SGIP1: variants seen among roughly 807,000 people sequenced by gnomAD.
SGIP1 encodes SH3GL interacting endocytic adaptor 1.
SGIP1 carries 38 observed loss-of-function variants against 107.5 expected under a neutral mutation model. That is an observed-to-expected ratio of 0.35 (90% CI 0.27 to 0.46). The LOEUF is 0.46. Ranked by LOEUF, SGIP1 falls within the 20% of genes least tolerant of loss-of-function variation. The probability of loss-of-function intolerance (pLI) is 1.00; values close to 1 mark genes in which losing one functional copy is unlikely to be tolerated. For missense variants in SGIP1, 929 were observed against 1,019.5 expected, an observed-to-expected ratio of 0.91 and a Z score of 1.21; for synonymous variants, 365 against 366.1, an observed-to-expected ratio of 1.00 and a Z score of 0.03.
At chr1:66,742,621 C>A (rs533777334) in intron 24 of SGIP1, among the ~76,000 whole-genome samples, 4 of 150,378 alleles carry the variant, frequency 2.7e-5, no homozygotes, top group African/African-American at 4.9e-5. Context: ...AGGCGCCCAC[C>A]ACCACGCCCG....
chr1:66,648,842 C>T (rs1489762316), intron 7 of SGIP1, among the ~76,000 whole-genome samples: 1 of 152,168 alleles, frequency 6.6e-6, no homozygotes, highest in African/African-American at 2.4e-5. Context: ...CAGCCCAGGT[C>T]GACCACTTTC....
At chr1:66,621,815 T>G (rs866970584) in intron 1 of SGIP1, among the ~76,000 whole-genome samples, 2 of 152,206 alleles carry the variant, frequency 1.3e-5, no homozygotes, top group South Asian at 4.1e-4. Context: ...TTCCATTGCA[T>G]GGCTAGGCCA....
intron 1 of SGIP1, among the ~76,000 whole-genome samples, chr1:66,549,149 T>G (rs375701302): frequency 0.098 from 9,406 of 95,506 alleles, 359 homozygotes; most frequent in South Asian, 0.21. Flanking sequence ...CTTCCTTCCT[T>G]CCTTCCTTCC....
At chr1:66,631,653 CT>C (rs2074710663) in intron 2 of SGIP1, among the ~76,000 whole-genome samples, 1 of 149,222 alleles carries the variant, frequency 6.7e-6, no homozygotes, top group Non-Finnish European at 1.5e-5. Flanking sequence ...CTCTGCATTG[CT>C]CTCTCTCTCT....
At chr1:66,656,262 G>C (rs540082739) in intron 7 of SGIP1, among the ~76,000 whole-genome samples, 1 of 152,284 alleles carries the variant, frequency 6.6e-6, no homozygotes, top group African/African-American at 2.4e-5. Context: ...AACACACATG[G>C]AGCTGTCACC....
At chr1:66,654,076 G>GA (rs2079240459) in intron 7 of SGIP1, among the ~76,000 whole-genome samples, 2 of 152,230 alleles carry the variant, frequency 1.3e-5, no homozygotes, top group Admixed American at 1.3e-4. Context: ...TAGGTACTTA[G>GA]AAAATAATTG....
chr1:66,742,728 C>T (rs556484668), intron 24 of SGIP1, among the ~76,000 whole-genome samples: 2 of 151,752 alleles, frequency 1.3e-5, no homozygotes, highest in South Asian at 4.2e-4. Context: ...CTCGGCCTCC[C>T]AAAGTGCTGG....
chr1:66,636,141 T>C (rs1257360616), intron 4 of SGIP1, 126 bp downstream of exon 4: 3 of 862,538 alleles, frequency 3.5e-6, no homozygotes, highest in Non-Finnish European at 5.3e-6. Flanking sequence ...TCTTAGGTAT[T>C]TCCAAATGAC....
chr1:66,596,920 C>G (rs1305993150), intron 1 of SGIP1, among the ~76,000 whole-genome samples: 2 of 152,040 alleles, frequency 1.3e-5, no homozygotes. Context: ...GACTGCTGCT[C>G]AAATATTTTC....
chr1:66,634,889 C>T (rs890598888), intron 3 of SGIP1, among the ~76,000 whole-genome samples: 4 of 152,190 alleles, frequency 2.6e-5, no homozygotes, highest in African/African-American at 9.6e-5. Context: ...AACTGAGTTT[C>T]TGTCTGCATT....
At chr1:66,677,145 TG>T in intron 13 of SGIP1, 49 bp downstream of exon 13, 1 of 1,447,244 alleles carries the variant, frequency 6.9e-7, no homozygotes, top group Non-Finnish European at 9.7e-7. Flanking sequence ...CTCATTTTAG[TG>T]TCTGTCTGCA....
intron 1 of SGIP1, among the ~76,000 whole-genome samples, chr1:66,614,464 T>C (rs1458571129): frequency 6.6e-6 from 1 of 152,212 alleles, no homozygotes; most frequent in Non-Finnish European, 1.5e-5. Flanking sequence ...ACAGGATCAC[T>C]CTACATGCAT....
At chr1:66,665,634 T>A (rs2082376671) in intron 8 of SGIP1, among the ~76,000 whole-genome samples, 1 of 152,240 alleles carries the variant, frequency 6.6e-6, no homozygotes, top group Non-Finnish European at 1.5e-5. Context: ...CCAGCACCTG[T>A]TGTTTCCTGA....
In SGIP1 at chr1:66,627,917, GC is replaced by G. The variant is rs1181204143; in HGVS notation, c.74+2011del. ...TCCCCCCTCCCCCACCCCACAACAG[GC>G]CCCGGTGTGTGATGTTCCCCTTCCT... On this transcript the variant is annotated intron_variant, in intron 2 of 24. Transcript: ENST00000371037. 3.2e-5 allele frequency among the ~76,000 whole-genome samples: 4 copies of G among 124,508 alleles called. No homozygotes were observed. The East Asian group carries it at 9.4e-4, about 29-fold the overall frequency. 81.7% of individuals were successfully genotyped at this position (124,508 alleles called of 152,430 possible).
chr1:66,717,722 C>T (rs1183159199), intron 18 of SGIP1, among the ~76,000 whole-genome samples: 1 of 152,148 alleles, frequency 6.6e-6, no homozygotes, highest in African/African-American at 2.4e-5. Flanking sequence ...ACCAGCTGTG[C>T]AGGACTGAAC....
At chr1:66,574,885 T>C (rs1192399745) in intron 1 of SGIP1, among the ~76,000 whole-genome samples, 2 of 152,230 alleles carry the variant, frequency 1.3e-5, no homozygotes. Flanking sequence ...TTAGAGATTA[T>C]GTCCCTCTGA....
In SGIP1 at chr1:66,643,610, T is replaced by G; in HGVS notation, c.350T>G (p.Phe117Cys). Residue 117 changes from phenylalanine (F) to cysteine (C), a missense_variant, in exon 7 of 25, where the codon TTT becomes TGT. Transcript: ENST00000371037. The part of the protein sequence containing the change: ...SEEEEESHKK[F>C]NIKIKPLQSK... ...GAAGAAGAAGAATCACATAAGAAATTTAATATCAAGATTAAACCATTGCAA... is the reference window on the plus strand; with the variant it reads ...GAAGAAGAAGAATCACATAAGAAATGTAATATCAAGATTAAACCATTGCAA... 1 of 1,611,192 alleles carries G rather than the reference T, an allele frequency of 6.2e-7. No homozygotes were observed. The highest frequency in any genetic ancestry group is 8.5e-7 in the Non-Finnish European group (1 of 1,179,042).
chr1:66,684,445 C>T (rs1427790613), intron 15 of SGIP1, among the ~76,000 whole-genome samples: 1 of 152,154 alleles, frequency 6.6e-6, no homozygotes, highest in East Asian at 1.9e-4. Context: ...CCTTATCTAC[C>T]TGTAAAGATA....
intron 19 of SGIP1, among the ~76,000 whole-genome samples, chr1:66,725,483 A>G (rs1243527201): frequency 6.6e-6 from 1 of 152,236 alleles, no homozygotes; most frequent in Non-Finnish European, 1.5e-5. Context: ...GAGGTGAAGT[A>G]CTACAAGAGT....
Sources: gnomAD v4.1 joint callset for allele counts (sites outside exome capture counted in the v4.1 genomes callset) on GRCh38, gnomAD v4.1.1 for gene constraint, MANE v1.5 for transcripts, NCBI Gene and HGNC (gene_info 2026-07-23, HGNC 2026-07-21) for gene names.